APAF1: variants seen among roughly 807,000 people sequenced by gnomAD.
APAF1 encodes the protein apoptotic peptidase activating factor 1, also known as apoptotic protease-activating factor 1.
A neutral mutation model predicts 152.4 loss-of-function variants in APAF1; 91 were observed. That is an observed-to-expected ratio of 0.60 (90% CI 0.50 to 0.71). APAF1 has a LOEUF of 0.71. Ranked by LOEUF, APAF1 falls within the 30% of genes least tolerant of loss-of-function variation. The pLI, the probability that APAF1 is intolerant of heterozygous loss-of-function variation, is 0.00. For synonymous variants in APAF1, 484 were observed against 494.1 expected, an observed-to-expected ratio of 0.98 and a Z score of 0.27; for missense variants, 1,283 against 1,472.0, an observed-to-expected ratio of 0.87 and a Z score of 2.10.
chr12:98,687,809 CTTTTG>C (rs1565876636), intron 16 of APAF1, among the ~76,000 whole-genome samples: 1 of 151,950 alleles, frequency 6.6e-6, no homozygotes, highest in Admixed American at 6.6e-5. Flanking sequence ...AAGGATCTGG[CTTTTG>C]TTTTTGTTTT....
intron 19 of APAF1, among the ~76,000 whole-genome samples, chr12:98,708,287 C>G (rs1312125395): frequency 6.6e-6 from 1 of 152,164 alleles, no homozygotes; most frequent in East Asian, 1.9e-4. Flanking sequence ...AGTTTGATAA[C>G]CAGCAGGAGG....
intron 26 of APAF1, among the ~76,000 whole-genome samples, chr12:98,729,427 G>C (rs1429750305): frequency 2.6e-5 from 4 of 152,180 alleles, no homozygotes; most frequent in Non-Finnish European, 5.9e-5. Context: ...GTTCACAGCA[G>C]GGCTCTTGCT....
chr12:98,686,732 T>C lies in APAF1; in HGVS notation c.2179-16T>C, dbSNP rs1483258357. On this transcript the variant is annotated splice_polypyrimidine_tract_variant and intron_variant, in intron 15 of 26. Coordinates refer to ENST00000551964, the MANE Select transcript of APAF1 (RefSeq NM_181861.2). ...AATACTAGTTGTTTATTTATCTTTT[T>C]TTCTTTCACAAATAGCTTTGGGATT... The C allele has an allele frequency of 6.2e-7, 1 of 1,611,644 alleles. No homozygotes were observed. Among genetic ancestry groups the C allele is most frequent in the African/African-American group, 1.3e-5 (1 of 74,870 alleles).
intron 22 of APAF1, among the ~76,000 whole-genome samples, chr12:98,719,826 A>G (rs2097739986): frequency 6.6e-6 from 1 of 152,074 alleles, no homozygotes; most frequent in South Asian, 2.1e-4. Flanking sequence ...GCATATGTTC[A>G]GTGGAAATTA....
intron 9 of APAF1, among the ~76,000 whole-genome samples, chr12:98,666,716 A>G (rs2097673246): frequency 6.6e-6 from 1 of 152,024 alleles, no homozygotes; most frequent in South Asian, 2.1e-4. Flanking sequence ...CTGGCTAGTA[A>G]TTTTGTACAG....
chr12:98,729,074 G>A (rs1457154628), intron 26 of APAF1, among the ~76,000 whole-genome samples: 1 of 152,212 alleles, frequency 6.6e-6, no homozygotes, highest in Non-Finnish European at 1.5e-5. Context: ...TTTAGAAGGG[G>A]TCTGGGACAT....
Position 98,659,438 on chromosome 12 carries a change from G to A in APAF1, c.710+95G>A, listed in dbSNP as rs78679629. 11 of 1,300,644 alleles carry A rather than the reference G, an allele frequency of 8.5e-6. No homozygotes were observed. The Admixed American group carries it at 1.7e-4, about 20-fold the overall frequency. The allele number at this position is 1,300,644 out of a possible 1,614,324, so 80.6% of individuals were successfully genotyped here. ...GAGAACATCATGCCTTTTTCCTGCT[G>A]TTCTATAGGGAGGATAAGAGAGAAC... On this transcript the variant is annotated intron_variant, in intron 5 of 26. Transcript: ENST00000551964.
At chr12:98,691,563 T>C (rs922595049) in intron 16 of APAF1, among the ~76,000 whole-genome samples, 3 of 152,178 alleles carry the variant, frequency 2.0e-5, no homozygotes, top group African/African-American at 7.2e-5. Flanking sequence ...TGTATTCCCT[T>C]GAAGAATGTA....
intron 18 of APAF1, among the ~76,000 whole-genome samples, chr12:98,705,326 A>G (rs573659135): frequency 6.6e-5 from 10 of 152,296 alleles, no homozygotes; most frequent in Non-Finnish European, 1.2e-4. Flanking sequence ...GGGAGAAGAA[A>G]GTGGGAAGAG....
At chr12:98,730,343 A>G (rs1019530320) in intron 26 of APAF1, among the ~76,000 whole-genome samples, 3 of 152,202 alleles carry the variant, frequency 2.0e-5, no homozygotes, top group East Asian at 1.9e-4. Flanking sequence ...GTCTTCGGCT[A>G]TATTAGCTGC....
intron 13 of APAF1, among the ~76,000 whole-genome samples, chr12:98,678,738 A>G (rs892874275): frequency 6.6e-6 from 1 of 151,948 alleles, no homozygotes; most frequent in Non-Finnish European, 1.5e-5. Context: ...GTTGGCACCC[A>G]CTCTGATCTT....
intron 4 of APAF1, among the ~76,000 whole-genome samples, chr12:98,651,239 C>T (rs1008611224): frequency 3.3e-5 from 5 of 152,176 alleles, no homozygotes; most frequent in African/African-American, 1.2e-4. Flanking sequence ...GAGCTTTTCA[C>T]TGTATTTATT....
intron 13 of APAF1, among the ~76,000 whole-genome samples, chr12:98,679,245 G>T (rs1009025040): frequency 6.6e-6 from 1 of 152,132 alleles, no homozygotes. Context: ...CCACTCTAGT[G>T]CCCCCTCTTT....
chr12:98,709,099 C>G (rs140447354), intron 20 of APAF1, among the ~76,000 whole-genome samples: 251 of 152,256 alleles, frequency 1.6e-3, no homozygotes, highest in Middle Eastern at 3.4e-3. Context: ...GAACAGAAGT[C>G]ACTTTAGGTG....
rs993896526 is a variant in APAF1, at chr12:98,648,813, A to G, written c.326A>G (p.Tyr109Cys). ...GATTCAGTTAGTGGAATAACTTCGT[A>G]TGGTTTGTATCCATTATACCTTCTA... ...GKDSVSGITS[Y>C]VRTVLCEGGV... is the part of the protein sequence containing the mutation. The change falls in exon 3 of 27, where the codon TAT becomes TGT. Residue 109 changes from tyrosine (Y) to cysteine (C), a missense_variant and splice_region_variant. Transcript: ENST00000551964. 4 of 1,613,256 alleles carry G rather than the reference A, an allele frequency of 2.5e-6. No homozygotes were observed. Among genetic ancestry groups the G allele is most frequent in the Non-Finnish European group, 3.4e-6 (4 of 1,179,600 alleles).
chr12:98,659,154 C>G lies in APAF1; in HGVS notation c.527-6C>G, dbSNP rs754755261. ...GCCTTAAGTTCATTATTCTTTCCCTCACTAGGTTGTTTCCCAGGGGGAGTG... is the reference window on the plus strand; with the variant it reads ...GCCTTAAGTTCATTATTCTTTCCCTGACTAGGTTGTTTCCCAGGGGGAGTG... On this transcript the variant is annotated splice_polypyrimidine_tract_variant and splice_region_variant and intron_variant, in intron 4 of 26. Coordinates refer to ENST00000551964, the MANE Select transcript of APAF1 (RefSeq NM_181861.2). 11 of 1,614,022 alleles carry G rather than the reference C, an allele frequency of 6.8e-6. No individual in the cohort carries two copies. The South Asian group carries it at 1.1e-4, about 16-fold the overall frequency.
At chr12:98,702,105 G>T (rs1476824128) in intron 17 of APAF1, among the ~76,000 whole-genome samples, 2 of 151,164 alleles carry the variant, frequency 1.3e-5, no homozygotes, top group African/African-American at 4.9e-5. Context: ...TCGCTCTTTC[G>T]CCCAGGCTGG....
At chr12:98,718,906 C>T (rs2097738139) in intron 22 of APAF1, among the ~76,000 whole-genome samples, 1 of 152,146 alleles carries the variant, frequency 6.6e-6, no homozygotes, top group African/African-American at 2.4e-5. Context: ...CGCACTCCAG[C>T]CTGGGCAACA....
At chr12:98,713,369 C>A (rs2097730309) in intron 21 of APAF1, among the ~76,000 whole-genome samples, 1 of 152,158 alleles carries the variant, frequency 6.6e-6, no homozygotes, top group African/African-American at 2.4e-5. Flanking sequence ...TTCTTAGAAG[C>A]CCAGCCATGT....
Sources: allele counts gnomAD v4.1 joint callset (sites outside exome capture counted in the v4.1 genomes callset), GRCh38; gene constraint gnomAD v4.1.1; transcripts MANE v1.5; gene names NCBI Gene and HGNC (gene_info 2026-07-23, HGNC 2026-07-21).